SAMD12: variants seen among roughly 807,000 people sequenced by gnomAD.
SAMD12 encodes the protein sterile alpha motif domain containing 12.
In SAMD12, 9 loss-of-function variants were observed where a neutral mutation model predicts 15.0. The observed-to-expected ratio is 0.60, with a 90% CI of 0.36 to 1.05. SAMD12 has a LOEUF of 1.05. SAMD12 is among the 50% of genes least tolerant of loss of function. SAMD12 has a pLI of 0.01. For missense variants in SAMD12, 230 were observed against 234.2 expected (o/e 0.98, Z 0.12); for synonymous variants, 86 against 90.1 (o/e 0.96, Z 0.25).
intron 2 of SAMD12, among the ~76,000 whole-genome samples, chr8:118,577,500 T>C (rs1033192847): frequency 2.6e-5 from 4 of 152,102 alleles, no homozygotes; most frequent in Non-Finnish European, 5.9e-5. Context: ...GAACAGGTGG[T>C]GTGCTGAGGG....
At chr8:118,324,310 TAAGA>T (rs2130468418) in intron 4 of SAMD12, among the ~76,000 whole-genome samples, 1 of 152,314 alleles carries the variant, frequency 6.6e-6, no homozygotes, top group African/African-American at 2.4e-5. Flanking sequence ...GTGATTTTCA[TAAGA>T]AAGTACACGG....
rs904744101 is a variant in SAMD12 at position 118,200,401 on chromosome 8, A to C, written c.434-2669T>G. Among the ~76,000 whole-genome samples the C allele has an allele frequency of 8.1e-5, 3 of 37,232 alleles. No homozygotes were observed. The East Asian group carries it at 2.0e-3, about 25-fold the overall frequency. 24.4% of individuals were successfully genotyped at this position (37,232 alleles called of 152,430 possible). A position where few individuals can be genotyped will look rare whatever the true frequency, so the allele number is the denominator to read the frequency against. On this transcript the variant is annotated intron_variant, in intron 4 of 4. Coordinates refer to the SAMD12 transcript ENST00000409003. ...GCACGATGAAGGGCCCTATTAGAGT[A>C]CCAAAAAAAAAAAAAAAAAAAATCA... is the stretch of plus-strand genomic sequence containing the variant.
At chr8:118,211,750 C>T (rs550950641) in intron 4 of SAMD12, among the ~76,000 whole-genome samples, 3 of 152,098 alleles carry the variant, frequency 2.0e-5, no homozygotes, top group Non-Finnish European at 4.4e-5. Flanking sequence ...AGTGGCCCAG[C>T]CCCATGAAAA....
Position 118,571,263 on chromosome 8 carries a change from A to G in SAMD12, c.192+9452T>C, listed in dbSNP as rs143946697. 2.8e-3 allele frequency among the ~76,000 whole-genome samples: 425 copies of G among 152,288 alleles called. 2 individuals are homozygous for G. The highest frequency in any genetic ancestry group is 9.9e-3 in the African/African-American group (412 of 41,552). ...TTGGAGGGCTCAGAAGAAGGCAGGA[A>G]AATGTGGGAAAGTTTGCAACTCCCT... On this transcript the variant is annotated intron_variant, in intron 2 of 3. Transcript: ENST00000314727.
intron 2 of SAMD12, among the ~76,000 whole-genome samples, chr8:118,453,149 A>G (rs879658327): frequency 5.3e-5 from 8 of 152,194 alleles, no homozygotes; most frequent in Admixed American, 3.9e-4. Context: ...ACCTTCTGTC[A>G]TCTACAATAT....
At chr8:118,337,076 G>A (rs112938090) in intron 4 of SAMD12, among the ~76,000 whole-genome samples, 4,019 of 151,726 alleles carry the variant, frequency 0.026, 180 homozygotes, top group African/African-American at 0.088. Context: ...TGAGTTAATG[G>A]GTGCAGCACA....
chr8:118,397,218 G>A (rs1266780523), intron 3 of SAMD12, among the ~76,000 whole-genome samples: 1 of 152,272 alleles, frequency 6.6e-6, no homozygotes, highest in Non-Finnish European at 1.5e-5. Context: ...CAAACCCACA[G>A]GCAAGAAGAA....
chr8:118,305,293 T>C (rs1035087604), intron 4 of SAMD12, among the ~76,000 whole-genome samples: 4 of 152,002 alleles, frequency 2.6e-5, no homozygotes, highest in African/African-American at 7.2e-5. Flanking sequence ...TTATTCTCCA[T>C]TGCTCCCTAA....
At chr8:118,419,491 A>G (rs1336608937) in intron 3 of SAMD12, among the ~76,000 whole-genome samples, 1 of 152,292 alleles carries the variant, frequency 6.6e-6, no homozygotes, top group East Asian at 1.9e-4. Context: ...TAGTTAACTG[A>G]GTATGTTCAG....
downstream of SAMD12, among the ~76,000 whole-genome samples, chr8:118,187,778 T>A (rs184127272): frequency 1.1e-4 from 17 of 152,258 alleles, no homozygotes; most frequent in East Asian, 2.9e-3. Context: ...AGAAAACACA[T>A]CTGGTGTAGT....
chr8:118,558,178 A>C (rs1826597616), intron 2 of SAMD12, among the ~76,000 whole-genome samples: 1 of 152,154 alleles, frequency 6.6e-6, no homozygotes. Flanking sequence ...TTGTCACCTG[A>C]AACTTTTTGC....
chr8:118,284,247 C>G (rs1257634359), intron 4 of SAMD12: 1 of 452,758 alleles, frequency 2.2e-6, no homozygotes, highest in East Asian at 7.0e-5. Context: ...ATGAAACAAT[C>G]AGCCAATCCC....
chr8:118,283,182 A>T lies in SAMD12; in HGVS notation c.434-85450T>A, dbSNP rs1432425964. On this transcript the variant is annotated intron_variant, in intron 4 of 4. Coordinates refer to the SAMD12 transcript ENST00000409003. ...TTTAGGGTACATGTGCACAACGTGC[A>T]GGTTTGTTACATATGTATACAAGGA... Among the ~76,000 whole-genome samples the T allele has an allele frequency of 2.0e-5, 3 of 152,196 alleles. 1 individual carries two copies. Among genetic ancestry groups the T allele is most frequent in the Non-Finnish European group, 2.9e-5 (2 of 68,028 alleles).
Position 118,378,860 on chromosome 8 carries a change from A to G in SAMD12, c.*557T>C, listed in dbSNP as rs889617119. The G allele has an allele frequency of 1.0e-6, 1 of 983,874 alleles. No homozygotes were observed. Among genetic ancestry groups the G allele is most frequent in the African/African-American group, 1.7e-5 (1 of 57,172 alleles). 60.9% of individuals were successfully genotyped at this position (983,874 alleles called of 1,614,324 possible). Reference sequence around the variant, plus strand: ...TTTTGTCACTTCCACAGTTATTGAGATCTTAAGTGCTCTCATCATATTGAA... The same window carrying G: ...TTTTGTCACTTCCACAGTTATTGAGGTCTTAAGTGCTCTCATCATATTGAA... On this transcript the variant is annotated 3_prime_UTR_variant, in exon 4 of 4. Coordinates refer to ENST00000314727, the MANE Select transcript of SAMD12 (RefSeq NM_207506.3).
At chr8:118,346,065 C>T (rs1323822955) in intron 4 of SAMD12, among the ~76,000 whole-genome samples, 1 of 152,194 alleles carries the variant, frequency 6.6e-6, no homozygotes, top group Non-Finnish European at 1.5e-5. Context: ...GTAAAATGAA[C>T]TCAGGGAAAT....
At position 118,287,163 on chromosome 8, in the gene SAMD12, C is replaced by T. The variant is rs192810666; in HGVS notation, c.434-89431G>A. Among the ~76,000 whole-genome samples the T allele has an allele frequency of 6.9e-3, 961 of 139,428 alleles. 15 individuals are homozygous for T. Among genetic ancestry groups the T allele is most frequent in the African/African-American group, 0.026 (912 of 35,432 alleles). 91.5% of individuals were successfully genotyped at this position (139,428 alleles called of 152,430 possible). The stretch of plus-strand genomic sequence containing the variant: ...TTTTTGAGACGGAGTCTCGCTCTTT[C>T]GCCCAGGCCGGACTACAGTGGCTCT... On this transcript the variant is annotated intron_variant, in intron 4 of 4. Transcript: ENST00000409003.
chr8:118,521,893 T>A (rs1324486875), intron 2 of SAMD12, among the ~76,000 whole-genome samples: 1 of 152,114 alleles, frequency 6.6e-6, no homozygotes, highest in East Asian at 1.9e-4. Flanking sequence ...ATATTTTTGC[T>A]TAGTTTTTCA....
intron 4 of SAMD12, among the ~76,000 whole-genome samples, chr8:118,366,212 GCTAA>G (rs553627495): frequency 2.0e-5 from 3 of 152,120 alleles, no homozygotes; most frequent in Non-Finnish European, 2.9e-5. Flanking sequence ...AACACATCTT[GCTAA>G]CTAATAGCTG....
At chr8:118,185,598 G>A (rs564975714), downstream of SAMD12, among the ~76,000 whole-genome samples, 1 of 152,332 alleles carries the variant, frequency 6.6e-6, no homozygotes, top group African/African-American at 2.4e-5. Context: ...GGATAAGTTT[G>A]TACAAAATTA....
Sources: allele counts gnomAD v4.1 joint callset (sites outside exome capture counted in the v4.1 genomes callset), GRCh38; gene constraint gnomAD v4.1.1; transcripts MANE v1.5; gene names NCBI Gene and HGNC (gene_info 2026-07-23, HGNC 2026-07-21).